The following ARAP2 variants were observed in gnomAD, a reference collection of about 807,000 sequenced individuals.
ARAP2 encodes ArfGAP with RhoGAP domain, ankyrin repeat and PH domain 2.
ARAP2 carries 148 observed loss-of-function variants against 194.5 expected under a neutral mutation model. That is an observed-to-expected ratio of 0.76 (90% CI 0.67 to 0.87). The LOEUF (loss-of-function observed/expected upper bound fraction) is 0.87, where lower values mean the gene tolerates loss of function less well. Ranked by LOEUF, ARAP2 falls within the 40% of genes least tolerant of loss-of-function variation. The pLI is 0.00. For synonymous variants in ARAP2, 695 were observed against 683.5 expected, an observed-to-expected ratio of 1.02 and a Z score of -0.26; for missense variants, 2,128 against 1,989.7, an observed-to-expected ratio of 1.07 and a Z score of -1.32.
intron 27 of ARAP2, among the ~76,000 whole-genome samples, chr4:36,106,749 GGTAATAT>G (rs1718512858): frequency 4.6e-5 from 7 of 151,876 alleles, no homozygotes; most frequent in Non-Finnish European, 1.0e-4. Flanking sequence ...AAATTCAAAA[GGTAATAT>G]AACTTACAAG....
chr4:36,238,211 G>A (rs1313842209), intron 1 of ARAP2, among the ~76,000 whole-genome samples: 1 of 152,118 alleles, frequency 6.6e-6, no homozygotes, highest in East Asian at 1.9e-4. Context: ...TCTGTACCCT[G>A]TTCTCTACCT....
chr4:36,029,479 T>C (rs1057201902), intron 5 of ARAP2, among the ~76,000 whole-genome samples: 2 of 152,118 alleles, frequency 1.3e-5, no homozygotes, highest in African/African-American at 4.8e-5. Flanking sequence ...TCCACCCCCG[T>C]GGTTTCAGTC....
At chr4:36,197,372 A>G (rs1303567567) in intron 6 of ARAP2, among the ~76,000 whole-genome samples, 2 of 152,256 alleles carry the variant, frequency 1.3e-5, no homozygotes, top group African/African-American at 4.8e-5. Context: ...TTGAATTTCT[A>G]TCGTATAAAT....
chr4:36,238,688 C>T (rs747091274), intron 1 of ARAP2, among the ~76,000 whole-genome samples: 1 of 152,174 alleles, frequency 6.6e-6, no homozygotes, highest in African/African-American at 2.4e-5. Flanking sequence ...CATTCATTTA[C>T]ATTTAATTGC....
intron 27 of ARAP2, among the ~76,000 whole-genome samples, chr4:36,107,327 T>G (rs759857310): frequency 6.6e-6 from 1 of 151,982 alleles, no homozygotes; most frequent in Non-Finnish European, 1.5e-5. Flanking sequence ...AACAAACTAT[T>G]ATTTCCAAAA....
At chr4:36,154,717 T>C (rs1731828590) in intron 15 of ARAP2, among the ~76,000 whole-genome samples, 1 of 152,244 alleles carries the variant, frequency 6.6e-6, no homozygotes, top group African/African-American at 2.4e-5. Flanking sequence ...GAAGCCTCTG[T>C]AACTCTGGGA....
At chr4:36,086,011 T>G (rs1350062765) in intron 28 of ARAP2, among the ~76,000 whole-genome samples, 1 of 152,048 alleles carries the variant, frequency 6.6e-6, no homozygotes, top group African/African-American at 2.4e-5. Context: ...AGGTAGTAAG[T>G]GCCCACAGTA....
At chr4:36,129,136 T>C (rs1724739676) in intron 20 of ARAP2, among the ~76,000 whole-genome samples, 1 of 151,962 alleles carries the variant, frequency 6.6e-6, no homozygotes, top group Non-Finnish European at 1.5e-5. Flanking sequence ...TGCCCCTATA[T>C]TGTATATGAA....
rs763554210 is a variant in ARAP2 at position 36,159,455 on chromosome 4, CA to C, written c.2492del (p.Leu831CysfsTer23). 1.9e-6 allele frequency: 3 copies of C among 1,597,506 alleles called. No homozygotes were observed. The highest frequency in any genetic ancestry group is 1.3e-5 in the African/African-American group (1 of 74,350). On this transcript the variant is annotated frameshift_variant, in exon 14 of 33. Transcript: ENST00000303965. LOFTEE classifies it high-confidence loss of function. ...VKPDVLETMALLFSGADVMCA... is the reference protein window; with the variant it reads ...VKPDVLETMAXLFSGADVMCA... ...ACATGACATCTGCTCCACTGAACAG[CA>C]AAGCCATTGTTTCTAGAACATCCGG...
intron 22 of ARAP2, 142 bp from the exon 23 acceptor site, chr4:36,121,468 G>T: frequency 1.5e-6 from 1 of 658,932 alleles, no homozygotes; most frequent in Non-Finnish European, 2.4e-6. Flanking sequence ...AAAAGCATAT[G>T]GTTCTTTCTT....
At chr4:36,138,161 C>T (rs923162888) in intron 19 of ARAP2, among the ~76,000 whole-genome samples, 1 of 151,606 alleles carries the variant, frequency 6.6e-6, no homozygotes, top group Non-Finnish European at 1.5e-5. Context: ...TCCAAATAAG[C>T]TTTTGGGTTT....
chr4:36,237,152 T>C (rs1752604416), intron 1 of ARAP2, among the ~76,000 whole-genome samples: 1 of 152,220 alleles, frequency 6.6e-6, no homozygotes, highest in African/African-American at 2.4e-5. Context: ...TATTGTTGCA[T>C]GTATCATTGT....
chr4:36,169,081 T>G (rs1735965511), intron 9 of ARAP2, among the ~76,000 whole-genome samples: 1 of 152,136 alleles, frequency 6.6e-6, no homozygotes. Flanking sequence ...GTGAGGAAAT[T>G]AAGTAAGGTA....
rs921336178 is a variant in ARAP2, at chr4:36,066,844, T to G, written c.*1063A>C. 6.6e-6 allele frequency: 1 copy of G among 152,086 alleles called. No homozygotes were observed. Among genetic ancestry groups the G allele is most frequent in the Non-Finnish European group, 1.5e-5 (1 of 68,016 alleles). The allele number at this position is 152,086 out of a possible 1,614,324, so 9.4% of individuals were successfully genotyped here. ...TGTGACCAGGTAGCCCCCAAATGTA[T>G]AGTAAACCACCAACTAGCCCCTGGC... On this transcript the variant is annotated 3_prime_UTR_variant, in exon 33 of 33. Coordinates refer to ENST00000303965, the MANE Select transcript of ARAP2 (RefSeq NM_015230.4).
chr4:36,200,187 TA>T (rs1744070350), intron 6 of ARAP2, among the ~76,000 whole-genome samples: 1 of 152,194 alleles, frequency 6.6e-6, no homozygotes, highest in Non-Finnish European at 1.5e-5. Flanking sequence ...AATAATTAGT[TA>T]ATTAAAGATA....
intron 27 of ARAP2, among the ~76,000 whole-genome samples, chr4:36,094,629 A>G (rs1037160590): frequency 7.2e-5 from 11 of 152,196 alleles, no homozygotes; most frequent in African/African-American, 2.7e-4. Context: ...GGCAAAGGAT[A>G]TTTCAGAAAG....
chr4:36,087,338 T>C (rs1210746941), intron 28 of ARAP2, among the ~76,000 whole-genome samples: 1 of 152,088 alleles, frequency 6.6e-6, no homozygotes, highest in African/African-American at 2.4e-5. Flanking sequence ...AAGTATCAGT[T>C]GCATTAATCT....
intron 15 of ARAP2, among the ~76,000 whole-genome samples, chr4:36,152,699 G>A (rs1731288496): frequency 6.6e-6 from 1 of 151,428 alleles, no homozygotes; most frequent in Admixed American, 6.6e-5. Context: ...AAAGAAAAAT[G>A]TCTATAAAAT....
intron 32 of ARAP2, among the ~76,000 whole-genome samples, chr4:36,070,742 AACTC>A (rs1409916907): frequency 6.6e-6 from 1 of 152,204 alleles, no homozygotes; most frequent in Non-Finnish European, 1.5e-5. Context: ...TTCATTACCA[AACTC>A]ACTGTATTAC....
Sources: gnomAD v4.1 joint callset for allele counts (sites outside exome capture counted in the v4.1 genomes callset) on GRCh38, gnomAD v4.1.1 for gene constraint, MANE v1.5 for transcripts, NCBI Gene and HGNC (gene_info 2026-07-23, HGNC 2026-07-21) for gene names.